GRID1: variants seen among roughly 807,000 people sequenced by gnomAD.
The protein encoded by GRID1 is glutamate ionotropic receptor delta type subunit 1, also known as glutamate receptor ionotropic, delta-1.
GRID1 carries 28 observed loss-of-function variants against 98.0 expected under a neutral mutation model. The ratio of observed to expected loss-of-function variants is 0.29; its 90% confidence interval spans 0.21 to 0.39. The LOEUF (loss-of-function observed/expected upper bound fraction) is 0.39, where lower values mean the gene tolerates loss of function less well. GRID1 is among the 10% of genes least tolerant of loss of function. The probability of loss-of-function intolerance (pLI) is 1.00; values close to 1 mark genes in which losing one functional copy is unlikely to be tolerated. For missense variants in GRID1, 1,111 were observed against 1,340.5 expected (o/e 0.83, Z 2.67); for synonymous variants, 553 against 538.5 (o/e 1.03, Z -0.37).
At chr10:86,212,708 G>A (rs1347501740) in intron 2 of GRID1, among the ~76,000 whole-genome samples, 1 of 152,140 alleles carries the variant, frequency 6.6e-6, no homozygotes, top group Non-Finnish European at 1.5e-5. Flanking sequence ...CTTTAAATGG[G>A]AAACAGCTTT....
chr10:85,602,795 G>A (rs1842599793), intron 15 of GRID1, 94 bp from the exon 16 acceptor site: 2 of 897,804 alleles, frequency 2.2e-6, no homozygotes, highest in South Asian at 1.7e-5. Flanking sequence ...ACCAGGCCTG[G>A]TCAGCCTGTT....
rs80308771 is a variant in GRID1, at chr10:85,738,000, G to A, written c.1234-8386C>T. ...TAACAATCTTAAAGGTCAGATGTGG[G>A]CCAGCAGGACAGTCAGGATCCCCGG... is the stretch of plus-strand genomic sequence containing the variant. On this transcript the variant is annotated intron_variant, in intron 8 of 15. Coordinates refer to ENST00000327946, the MANE Select transcript of GRID1 (RefSeq NM_017551.3). Among the ~76,000 whole-genome samples the A allele has an allele frequency of 8.2e-4, 125 of 152,030 alleles. 1 individual carries two copies. The East Asian group carries it at 0.023, about 28-fold the overall frequency.
intron 3 of GRID1, among the ~76,000 whole-genome samples, chr10:86,144,039 T>A (rs977413358): frequency 6.6e-6 from 1 of 152,174 alleles, no homozygotes; most frequent in Non-Finnish European, 1.5e-5. Context: ...TAGTACTCAC[T>A]GAGCACTCTG....
At position 86,260,883 on chromosome 10, in the gene GRID1, T is replaced by C. The variant is rs111288632; in HGVS notation, c.236-54235A>G. Among the ~76,000 whole-genome samples the C allele has an allele frequency of 8.1e-4, 123 of 152,262 alleles. 1 individual carries two copies. Among genetic ancestry groups the C allele is most frequent in the African/African-American group, 2.8e-3 (118 of 41,548 alleles). ...GTTCCTTCACCTGTGATGGAGGAAA[T>C]GTTTTGTATTTTCTGCTTTAGCTTT... On this transcript the variant is annotated intron_variant, in intron 2 of 15. Coordinates refer to ENST00000327946, the MANE Select transcript of GRID1 (RefSeq NM_017551.3).
intron 4 of GRID1, among the ~76,000 whole-genome samples, chr10:86,041,932 C>A (rs564209513): frequency 9.5e-4 from 145 of 152,290 alleles, no homozygotes; most frequent in Non-Finnish European, 1.9e-3. Context: ...CCTGTCAGGC[C>A]TCCCACCTGG....
At position 86,217,451 on chromosome 10, in the gene GRID1, C is replaced by T. The variant is rs755146935; in HGVS notation, c.236-10803G>A. On this transcript the variant is annotated intron_variant, in intron 2 of 15. Transcript: ENST00000327946. Reference sequence around the variant, plus strand: ...AACTTCTGTTGTTATTCACAGCCCTCTCATATGGGATCCTGTTTTTAGAGA... The same window carrying T: ...AACTTCTGTTGTTATTCACAGCCCTTTCATATGGGATCCTGTTTTTAGAGA... Among the ~76,000 whole-genome samples, 6 of 152,292 alleles carry T rather than the reference C, an allele frequency of 3.9e-5. No individual in the cohort carries two copies. In the South Asian group the frequency reaches 6.2e-4, roughly 16 times the overall value.
intron 2 of GRID1, among the ~76,000 whole-genome samples, chr10:86,273,116 TG>T (rs1847210595): frequency 6.7e-6 from 1 of 149,220 alleles, no homozygotes; most frequent in African/African-American, 2.4e-5. Context: ...CCTCTGTCCA[TG>T]TGTTCTCATT....
intron 2 of GRID1, among the ~76,000 whole-genome samples, chr10:86,295,848 C>T (rs1847581182): frequency 6.6e-6 from 1 of 152,186 alleles, no homozygotes; most frequent in South Asian, 2.1e-4. Context: ...ACTTCGCCCA[C>T]CTGGCACCAG....
intron 4 of GRID1, among the ~76,000 whole-genome samples, chr10:85,945,354 AT>A (rs543708969): frequency 3.3e-5 from 5 of 152,088 alleles, no homozygotes; most frequent in Non-Finnish European, 7.4e-5. Context: ...AAATGCTTTA[AT>A]TTTTTTTAAA....
chr10:86,085,794 G>A (rs568844439), intron 4 of GRID1, among the ~76,000 whole-genome samples: 15 of 152,204 alleles, frequency 9.9e-5, no homozygotes, highest in South Asian at 4.1e-4. Context: ...CCCACAGCCC[G>A]TGGCATCAAA....
chr10:85,769,214 T>C (rs1842229083), intron 8 of GRID1, among the ~76,000 whole-genome samples: 1 of 152,180 alleles, frequency 6.6e-6, no homozygotes, highest in African/African-American at 2.4e-5. Context: ...TGCAGCAACA[T>C]GGGTGCAGCT....
At chr10:86,258,194 C>T (rs1007599158) in intron 2 of GRID1, among the ~76,000 whole-genome samples, 1 of 152,120 alleles carries the variant, frequency 6.6e-6, no homozygotes, top group Non-Finnish European at 1.5e-5. Flanking sequence ...AAAACAGACT[C>T]ACATATAGAG....
intron 3 of GRID1, among the ~76,000 whole-genome samples, chr10:86,183,985 C>G (rs1281690949): frequency 1.3e-5 from 2 of 152,190 alleles, no homozygotes; most frequent in Non-Finnish European, 2.9e-5. Context: ...TATGAAATAG[C>G]ATGTTCTGTG....
chr10:85,959,052 T>C (rs1157941921), intron 4 of GRID1, among the ~76,000 whole-genome samples: 2 of 152,202 alleles, frequency 1.3e-5, no homozygotes, highest in Non-Finnish European at 1.5e-5. Flanking sequence ...AGCTGGGGCA[T>C]TGGTATTTTC....
intron 8 of GRID1, among the ~76,000 whole-genome samples, chr10:85,850,468 T>A (rs1368998102): frequency 6.6e-6 from 1 of 152,242 alleles, no homozygotes; most frequent in Non-Finnish European, 1.5e-5. Flanking sequence ...AGTGGACATC[T>A]GCTGCCAGGC....
intron 2 of GRID1, among the ~76,000 whole-genome samples, chr10:86,357,302 A>C (rs1489765572): frequency 6.6e-6 from 1 of 152,236 alleles, no homozygotes; most frequent in Non-Finnish European, 1.5e-5. Context: ...GCCTGTCAGA[A>C]AGGACAGTAT....
chr10:86,089,606 C>T (rs1170202124), intron 4 of GRID1, among the ~76,000 whole-genome samples: 1 of 151,966 alleles, frequency 6.6e-6, no homozygotes, highest in African/African-American at 2.4e-5. Flanking sequence ...ATGATGAAAT[C>T]ATAAAGAACA....
chr10:85,981,196 A>T (rs1364221412), intron 4 of GRID1, among the ~76,000 whole-genome samples: 1 of 152,202 alleles, frequency 6.6e-6, no homozygotes, highest in Non-Finnish European at 1.5e-5. Flanking sequence ...ACCAGCAGCC[A>T]ACAGCAATGA....
intron 4 of GRID1, among the ~76,000 whole-genome samples, chr10:86,019,447 G>A (rs987137794): frequency 2.0e-5 from 3 of 152,310 alleles, no homozygotes; most frequent in African/African-American, 7.2e-5. Context: ...GGAGGGCTTC[G>A]GGGCATGGGG....
Sources: allele counts gnomAD v4.1 joint callset (sites outside exome capture counted in the v4.1 genomes callset), GRCh38; gene constraint gnomAD v4.1.1; transcripts MANE v1.5; gene names NCBI Gene and HGNC (gene_info 2026-07-23, HGNC 2026-07-21).